PTPRD: variants seen among roughly 807,000 people sequenced by gnomAD.
PTPRD encodes receptor-type tyrosine-protein phosphatase delta.
PTPRD carries 34 observed loss-of-function variants against 214.5 expected under a neutral mutation model. The ratio of observed to expected loss-of-function variants is 0.16; its 90% CI spans 0.12 to 0.21. PTPRD has a LOEUF of 0.21. Ranked by LOEUF, PTPRD falls within the 10% of genes least tolerant of loss-of-function variation. The pLI, the probability that PTPRD is intolerant of heterozygous loss-of-function variation, is 1.00. For missense variants in PTPRD, 2,545 were observed against 2,398.7 expected, an observed-to-expected ratio of 1.06 and a Z score of -1.27; for synonymous variants, 1,128 against 845.7, an observed-to-expected ratio of 1.33 and a Z score of -5.79.
At position 9,898,265 on chromosome 9, in the gene PTPRD, C is replaced by A. The variant is rs1045464051; in HGVS notation, c.-368+40242G>T. Among the ~76,000 whole-genome samples, 4 of 151,858 alleles carry A rather than the reference C, an allele frequency of 2.6e-5. No homozygotes were observed. The South Asian group carries it at 8.3e-4, about 31-fold the overall frequency. ...AATTTCAGTAAATGAAAAAAGTAACCATTTCATTTTGGGACTGGAGGTAGT... is the reference window on the plus strand; with the variant it reads ...AATTTCAGTAAATGAAAAAAGTAACAATTTCATTTTGGGACTGGAGGTAGT... On this transcript the variant is annotated intron_variant, in intron 5 of 45. Coordinates refer to ENST00000381196, the MANE Select transcript of PTPRD (RefSeq NM_002839.4).
rs1203238951 is a variant in PTPRD at position 10,035,646 on chromosome 9, T to A, written c.-544-1856A>T. Among the ~76,000 whole-genome samples the A allele has an allele frequency of 4.6e-5, 7 of 152,126 alleles. No homozygotes were observed. In the East Asian group the frequency reaches 1.4e-3, roughly 29 times the overall value. On this transcript the variant is annotated intron_variant, in intron 3 of 45. Coordinates refer to ENST00000381196, the MANE Select transcript of PTPRD (RefSeq NM_002839.4). ...ACGCTTGGTCTACCTCTCCACACCC[T>A]CATCATTTCAGCCTTCCTTCAGTCT...
Position 8,460,538 on chromosome 9 carries a change from C to G in PTPRD, c.3748G>C (p.Val1250Leu). ...TGCGGATCCAGATCCATTGACACCACGGGGTCGGAGTAAGGGCTGGTTGCA... is the reference window on the plus strand; with the variant it reads ...TGCGGATCCAGATCCATTGACACCAGGGGGTCGGAGTAAGGGCTGGTTGCA... ...MYATSPYSDPVVSMDLDPQPI... is the reference protein window; with the variant it reads ...MYATSPYSDPLVSMDLDPQPI... The change falls in exon 33 of 46, where the codon GTG becomes CTG. Residue 1250 changes from valine (V) to leucine (L), a missense_variant. Physicochemically the swap from Val to Leu is conservative, Grantham distance 32 (BLOSUM62 1). Transcript: ENST00000381196. 6.2e-7 allele frequency: 1 copy of G among 1,613,354 alleles called. No homozygotes were observed. The highest frequency in any genetic ancestry group is 1.1e-5 in the South Asian group (1 of 91,044).
intron 3 of PTPRD, among the ~76,000 whole-genome samples, chr9:10,223,801 C>A (rs892095390): frequency 4.0e-5 from 6 of 150,746 alleles, no homozygotes; most frequent in African/African-American, 1.2e-4. Context: ...TAATTTATTT[C>A]TAATAATAGC....
At chr9:10,248,533 A>AAAAAAAAAAAGAAAAAAAC (rs60272481) in intron 3 of PTPRD, among the ~76,000 whole-genome samples, 1 of 127,444 alleles carries the variant, frequency 7.8e-6, no homozygotes, top group African/African-American at 3.3e-5. Context: ...AAAATAAAAA[A>AAAAAAAAAAAGAAAAAAAC]AATAAAGCGA....
chr9:10,034,046 C>T (rs1014650508), intron 3 of PTPRD, among the ~76,000 whole-genome samples: 4 of 152,022 alleles, frequency 2.6e-5, no homozygotes, highest in Non-Finnish European at 4.4e-5. Context: ...ATTAAAATGG[C>T]TATACTGCCC....
intron 2 of PTPRD, among the ~76,000 whole-genome samples, chr9:10,384,506 C>T (rs1282951157): frequency 6.6e-6 from 1 of 151,202 alleles, no homozygotes; most frequent in African/African-American, 2.4e-5. Context: ...TATTGAAGTA[C>T]AATTGGAAGG....
chr9:10,016,135 C>A (rs942881377), intron 4 of PTPRD, among the ~76,000 whole-genome samples: 2 of 152,066 alleles, frequency 1.3e-5, no homozygotes, highest in African/African-American at 4.8e-5. Context: ...ATGTGATCTC[C>A]CTAAATATGT....
intron 4 of PTPRD, among the ~76,000 whole-genome samples, chr9:9,984,251 C>A (rs975191437): frequency 6.6e-6 from 1 of 151,990 alleles, no homozygotes; most frequent in Non-Finnish European, 1.5e-5. Context: ...TGTTAGGGGA[C>A]ATTTAATACA....
chr9:9,643,002 C>G (rs551925383), intron 7 of PTPRD, among the ~76,000 whole-genome samples: 1 of 152,186 alleles, frequency 6.6e-6, no homozygotes, highest in Non-Finnish European at 1.5e-5. Context: ...TCTAAAATTT[C>G]TCTACATACA....
chr9:9,318,976 T>C (rs894995492), intron 9 of PTPRD, among the ~76,000 whole-genome samples: 8 of 152,232 alleles, frequency 5.3e-5, no homozygotes, highest in Non-Finnish European at 8.8e-5. Flanking sequence ...CATTATGAAC[T>C]ATAGTTTCCT....
rs142663891 is a variant in PTPRD at position 10,552,227 on chromosome 9, A to G, written c.-600+60171T>C. Among the ~76,000 whole-genome samples, 264 of 151,540 alleles carry G rather than the reference A, an allele frequency of 1.7e-3. 1 individual carries two copies. The highest frequency in any genetic ancestry group is 6.2e-3 in the African/African-American group (255 of 41,314). On this transcript the variant is annotated intron_variant, in intron 2 of 45. Coordinates refer to ENST00000381196, the MANE Select transcript of PTPRD (RefSeq NM_002839.4). ...CAAGTTAGTGTGTGCAGGCCATTCG[A>G]CACTAATAGAACAGAAAACCAAGCT...
At chr9:10,187,439 AC>A (rs1280565115) in intron 3 of PTPRD, among the ~76,000 whole-genome samples, 1 of 152,196 alleles carries the variant, frequency 6.6e-6, no homozygotes, top group African/African-American at 2.4e-5. Flanking sequence ...AGACCTCTCA[AC>A]AAAAATTTAC....
intron 7 of PTPRD, among the ~76,000 whole-genome samples, chr9:9,728,766 T>A (rs576785528): frequency 6.6e-6 from 1 of 152,310 alleles, no homozygotes; most frequent in Admixed American, 6.5e-5. Context: ...TCAACTATTA[T>A]TAAAAGAATG....
intron 10 of PTPRD, among the ~76,000 whole-genome samples, chr9:9,044,625 A>G (rs868624200): frequency 8.5e-5 from 13 of 152,344 alleles, no homozygotes; most frequent in African/African-American, 3.1e-4. Context: ...TGCACTTTAG[A>G]GAAAGCACAT....
chr9:9,370,964 A>T (rs1398040384), intron 9 of PTPRD, among the ~76,000 whole-genome samples: 2 of 152,150 alleles, frequency 1.3e-5, no homozygotes, highest in East Asian at 1.9e-4. Flanking sequence ...GATGAAGCCC[A>T]CTTGATCATG....
intron 4 of PTPRD, among the ~76,000 whole-genome samples, chr9:9,964,582 C>G (rs983011307): frequency 1.3e-5 from 2 of 152,122 alleles, no homozygotes; most frequent in African/African-American, 4.8e-5. Context: ...AGGAGTGGGG[C>G]AAATCTACTT....
rs534635990 is a variant in PTPRD at position 8,840,776 on chromosome 9, T to G, written c.-103-106830A>C. Among the ~76,000 whole-genome samples the G allele has an allele frequency of 2.6e-5, 4 of 152,278 alleles. No homozygotes were observed. The East Asian group carries it at 7.7e-4, about 29-fold the overall frequency. On this transcript the variant is annotated intron_variant, in intron 11 of 45. Coordinates refer to ENST00000381196, the MANE Select transcript of PTPRD (RefSeq NM_002839.4). ...TCTTAATTTTTTTTTTACACATAAT[T>G]AAATGATTGAAAATGACTGATCGCC...
chr9:9,826,139 C>T (rs1439089983), intron 5 of PTPRD, among the ~76,000 whole-genome samples: 1 of 151,598 alleles, frequency 6.6e-6, no homozygotes, highest in African/African-American at 2.4e-5. Context: ...ATTAATTTGT[C>T]TTTAATAGTT....
chr9:9,659,374 T>A (rs1261748920), intron 7 of PTPRD, among the ~76,000 whole-genome samples: 2 of 152,094 alleles, frequency 1.3e-5, no homozygotes, highest in African/African-American at 4.8e-5. Context: ...TTCAATGTTT[T>A]CAAAGTAAAA....
Sources: gnomAD v4.1 joint callset for allele counts (sites outside exome capture counted in the v4.1 genomes callset) on GRCh38, gnomAD v4.1.1 for gene constraint, MANE v1.5 for transcripts, NCBI Gene and HGNC (gene_info 2026-07-23, HGNC 2026-07-21) for gene names.